Variants in SLC5A7 observed in about 807,000 individuals in gnomAD.
The protein encoded by SLC5A7 is solute carrier family 5 member 7, also known as high affinity choline transporter 1.
A neutral mutation model predicts 55.4 loss-of-function variants in SLC5A7; 19 were observed. The observed-to-expected ratio is 0.34, with a 90% CI of 0.24 to 0.50. The LOEUF is 0.50. Ranked by LOEUF, SLC5A7 falls within the 20% of genes least tolerant of loss-of-function variation. The pLI, the probability that SLC5A7 is intolerant of heterozygous loss-of-function variation, is 0.98. For synonymous variants in SLC5A7, 265 were observed against 263.7 expected (o/e 1.00, Z -0.05); for missense variants, 506 against 705.3 (o/e 0.72, Z 3.20).
At chr2:107,987,147 G>A (rs1349236848) in intron 1 of SLC5A7, among the ~76,000 whole-genome samples, 1 of 152,022 alleles carries the variant, frequency 6.6e-6, no homozygotes, top group Non-Finnish European at 1.5e-5. Flanking sequence ...ACGCACAAAT[G>A]TCAGAGTTTC....
intron 4 of SLC5A7, among the ~76,000 whole-genome samples, chr2:107,995,634 A>G (rs1236856909): frequency 6.6e-6 from 1 of 152,168 alleles, no homozygotes; most frequent in Non-Finnish European, 1.5e-5. Context: ...ATAAAAAGTA[A>G]TAGTTGGATT....
intron 7 of SLC5A7, 133 bp from the exon 8 acceptor site, chr2:108,008,332 T>C: frequency 1.5e-6 from 1 of 654,762 alleles, no homozygotes; most frequent in Non-Finnish European, 2.6e-6. Flanking sequence ...GACCAGCACA[T>C]GGACTTCACA....
At chr2:108,003,912 A>G (rs1443089497) in intron 6 of SLC5A7, among the ~76,000 whole-genome samples, 1 of 152,218 alleles carries the variant, frequency 6.6e-6, no homozygotes, top group Non-Finnish European at 1.5e-5. Flanking sequence ...TAGGTTCTAA[A>G]GATGGCAGTA....
rs116711471 is a variant in SLC5A7, at chr2:108,012,755, G to A, written c.*1894G>A. 1 of 152,152 alleles carries A rather than the reference G, an allele frequency of 6.6e-6. No individual in the cohort carries two copies. Among genetic ancestry groups the A allele is most frequent in the Non-Finnish European group, 1.5e-5 (1 of 68,000 alleles). The allele number at this position is 152,152 out of a possible 1,614,324, so 9.4% of individuals were successfully genotyped here. On this transcript the variant is annotated 3_prime_UTR_variant, in exon 9 of 9. Coordinates refer to ENST00000264047, the MANE Select transcript of SLC5A7 (RefSeq NM_021815.5). The stretch of plus-strand genomic sequence containing the variant: ...TATATTTTTGGAACCAGTAAGTATG[G>A]GAGTCCACGATTCTCAGGTATTGAT...
At chr2:107,989,047 A>T (rs1677348127) in intron 2 of SLC5A7, among the ~76,000 whole-genome samples, 1 of 152,180 alleles carries the variant, frequency 6.6e-6, no homozygotes, top group Non-Finnish European at 1.5e-5. Context: ...AGGAGCTGAT[A>T]TTCTTTCTTA....
chr2:108,005,007 A>G (rs1678049621), intron 6 of SLC5A7, among the ~76,000 whole-genome samples: 1 of 152,246 alleles, frequency 6.6e-6, no homozygotes, highest in African/African-American at 2.4e-5. Context: ...GCTCAATAAG[A>G]AATTTAAGCA....
intron 5 of SLC5A7, among the ~76,000 whole-genome samples, chr2:108,001,130 A>T (rs1677874454): frequency 6.6e-6 from 1 of 151,690 alleles, no homozygotes; most frequent in African/African-American, 2.4e-5. Flanking sequence ...GAAAACAAAA[A>T]CAATCCACAT....
intron 6 of SLC5A7, among the ~76,000 whole-genome samples, chr2:108,004,243 A>G (rs1386973389): frequency 6.6e-6 from 1 of 152,250 alleles, no homozygotes; most frequent in Non-Finnish European, 1.5e-5. Context: ...TTTATGATGT[A>G]TCAATCCATT....
intron 4 of SLC5A7, among the ~76,000 whole-genome samples, chr2:107,995,765 T>A (rs547835407): frequency 6.6e-6 from 1 of 152,304 alleles, no homozygotes; most frequent in East Asian, 1.9e-4. Flanking sequence ...TCTTAAACTA[T>A]CTTCTTGGTA....
At chr2:108,000,416 G>C (rs1677838517) in intron 5 of SLC5A7, among the ~76,000 whole-genome samples, 1 of 151,474 alleles carries the variant, frequency 6.6e-6, no homozygotes, top group African/African-American at 2.4e-5. Context: ...CTTTTATATG[G>C]ATATATATTT....
chr2:108,005,749 A>T (rs1296310268), intron 6 of SLC5A7, among the ~76,000 whole-genome samples: 1 of 151,990 alleles, frequency 6.6e-6, no homozygotes, highest in African/African-American at 2.4e-5. Flanking sequence ...AAGGAAAAAA[A>T]CTCCTTTGAC....
intron 8 of SLC5A7, 111 bp downstream of exon 8, chr2:108,008,793 T>C: frequency 1.3e-6 from 1 of 753,440 alleles, no homozygotes; most frequent in Non-Finnish European, 2.0e-6. Context: ...CTATGTTAAA[T>C]CTGACTGTAC....
chr2:108,001,005 G>A (rs1222274480), intron 5 of SLC5A7, among the ~76,000 whole-genome samples: 4 of 136,516 alleles, frequency 2.9e-5, no homozygotes, highest in Non-Finnish European at 6.0e-5. Context: ...TCGGCTCACT[G>A]CAACCTCTGC....
chr2:108,006,377 A>ATTT (rs35756712), intron 7 of SLC5A7, among the ~76,000 whole-genome samples, 175 bp downstream of exon 7: 33 of 119,230 alleles, frequency 2.8e-4, no homozygotes, highest in Middle Eastern at 4.5e-3. Flanking sequence ...AGCGGCCTCC[A>ATTT]TTTTTTTTTT....
chr2:108,002,000 C>T lies in SLC5A7; in HGVS notation c.701C>T (p.Ser234Leu). The T allele has an allele frequency of 6.2e-7, 1 of 1,614,204 alleles. No homozygotes were observed. Among genetic ancestry groups the T allele is most frequent in the Non-Finnish European group, 8.5e-7 (1 of 1,180,020 alleles). Reference protein sequence around the residue: ...YQKPWLGTVDSSEVYSWLDSF... With the variant: ...YQKPWLGTVDLSEVYSWLDSF... ...AAGCCGTGGCTGGGAACTGTTGACT[C>T]ATCTGAAGTCTACTCTTGGCTTGAT... Residue 234 changes from serine (S) to leucine (L), a missense_variant, in exon 6 of 9, where the codon TCA becomes TTA. Coordinates refer to ENST00000264047, the MANE Select transcript of SLC5A7 (RefSeq NM_021815.5).
intron 5 of SLC5A7, among the ~76,000 whole-genome samples, chr2:107,999,817 A>G (rs957909030): frequency 8.5e-5 from 13 of 152,074 alleles, no homozygotes; most frequent in South Asian, 6.2e-4. Flanking sequence ...CTCACTCTTC[A>G]TAATCCTTTT....
chr2:107,997,768 A>G (rs988791600), intron 4 of SLC5A7, 70 bp from the exon 5 acceptor site: 3 of 1,378,382 alleles, frequency 2.2e-6, no homozygotes, highest in African/African-American at 2.9e-5. Context: ...CTGAACTTTC[A>G]TTATGTCCTT....
intron 5 of SLC5A7, among the ~76,000 whole-genome samples, chr2:107,999,921 C>G (rs527506927): frequency 1.3e-5 from 2 of 152,284 alleles, no homozygotes; most frequent in Middle Eastern, 6.8e-3. Flanking sequence ...CCTGACTCTT[C>G]CTTTTCACTA....
At chr2:108,006,472 G>A (rs966636344) in intron 7 of SLC5A7, among the ~76,000 whole-genome samples, 4 of 149,282 alleles carry the variant, frequency 2.7e-5, no homozygotes, top group Non-Finnish European at 4.4e-5. Flanking sequence ...CATCTGCCTC[G>A]GTCTCCCAAA....
Sources: gnomAD v4.1 joint callset for allele counts (sites outside exome capture counted in the v4.1 genomes callset) on GRCh38, gnomAD v4.1.1 for gene constraint, MANE v1.5 for transcripts, NCBI Gene and HGNC (gene_info 2026-07-23, HGNC 2026-07-21) for gene names.